The following KDM7A variants were observed in gnomAD, a reference collection of about 807,000 sequenced individuals.
KDM7A encodes the protein lysine demethylase 7A.
Under a neutral mutation model 114.8 loss-of-function variants are expected in KDM7A, and 28 were observed. The observed-to-expected ratio is 0.24, with a 90% confidence interval of 0.18 to 0.33. The LOEUF (loss-of-function observed/expected upper bound fraction) is 0.33. Ranked by LOEUF, KDM7A falls within the 10% of genes least tolerant of loss-of-function variation. KDM7A has a pLI of 1.00. For missense variants in KDM7A, 942 were observed against 1,142.5 expected, an observed-to-expected ratio of 0.82 and a Z score of 2.53; for synonymous variants, 423 against 397.8, an observed-to-expected ratio of 1.06 and a Z score of -0.75.
chr7:140,134,256 C>T (rs916641756), intron 2 of KDM7A, among the ~76,000 whole-genome samples: 2 of 152,220 alleles, frequency 1.3e-5, no homozygotes, highest in Non-Finnish European at 2.9e-5. Context: ...CTCTGGAAGG[C>T]TATGACCTTG....
chr7:140,134,805 T>A (rs745670859), intron 2 of KDM7A, among the ~76,000 whole-genome samples: 3 of 152,148 alleles, frequency 2.0e-5, no homozygotes, highest in Non-Finnish European at 4.4e-5. Context: ...GTTTGAACAT[T>A]TTCACAATAT....
chr7:140,176,364 G>A lies in KDM7A; in HGVS notation c.194+380C>T, dbSNP rs1255219339. 1.4e-5 allele frequency among the ~76,000 whole-genome samples: 2 copies of A among 144,734 alleles called. No individual in the cohort carries two copies. Among genetic ancestry groups the A allele is most frequent in the Non-Finnish European group, 3.1e-5 (2 of 65,278 alleles). 95.0% of individuals were successfully genotyped at this position (144,734 alleles called of 152,430 possible). On this transcript the variant is annotated intron_variant, in intron 1 of 19. Coordinates refer to ENST00000397560, the MANE Select transcript of KDM7A (RefSeq NM_030647.2). The surrounding 1 kb of genome is among the most constrained non-coding windows in gnomAD (Gnocchi z 4.4). ...AGCCCCGGGCGCGGCGGGGCGGGGCGGGGCGGCGGCGGCCCGGGCTGGCGA... is the reference window on the plus strand; with the variant it reads ...AGCCCCGGGCGCGGCGGGGCGGGGCAGGGCGGCGGCGGCCCGGGCTGGCGA...
intron 1 of KDM7A, among the ~76,000 whole-genome samples, chr7:140,145,069 T>G (rs1224249768): frequency 6.6e-6 from 1 of 152,160 alleles, no homozygotes; most frequent in Non-Finnish European, 1.5e-5. Context: ...CAGCCTCAGG[T>G]ATTTCTTTAT....
intron 1 of KDM7A, among the ~76,000 whole-genome samples, chr7:140,160,385 T>G (rs1789697127): frequency 6.6e-6 from 1 of 152,208 alleles, no homozygotes; most frequent in Non-Finnish European, 1.5e-5. Flanking sequence ...ATCAGGGTCT[T>G]TCTTTGTTCT....
chr7:140,116,000 T>C (rs899747156), intron 9 of KDM7A, among the ~76,000 whole-genome samples: 2 of 152,008 alleles, frequency 1.3e-5, no homozygotes, highest in Admixed American at 6.6e-5. Flanking sequence ...ATCCATGAGA[T>C]TTGCAAAAAT....
chr7:140,111,406 T>C lies in KDM7A; in HGVS notation c.1339-222A>G, dbSNP rs1239204127. Among the ~76,000 whole-genome samples the C allele has an allele frequency of 2.0e-5, 3 of 152,208 alleles. No homozygotes were observed. The East Asian group carries it at 5.8e-4, about 29-fold the overall frequency. On this transcript the variant is annotated intron_variant, in intron 10 of 19. Coordinates refer to ENST00000397560, the MANE Select transcript of KDM7A (RefSeq NM_030647.2). ...AGACTGTGTTAAAAACAGACTAGTCTCACAGTGAATTTTGCTTTACATTGA... is the reference window on the plus strand; with the variant it reads ...AGACTGTGTTAAAAACAGACTAGTCCCACAGTGAATTTTGCTTTACATTGA...
rs1383898751 is a variant in KDM7A at position 140,085,102 on chromosome 7, C to T, written c.*5992G>A. ...GAAATGCTCTTCAAGCTTCAGCACC[C>T]CACCTCCCAGCCACACCCCACGCCA... is the stretch of plus-strand genomic sequence containing the variant. On this transcript the variant is annotated 3_prime_UTR_variant, in exon 20 of 20. Coordinates refer to ENST00000397560, the MANE Select transcript of KDM7A (RefSeq NM_030647.2). 1 of 152,330 alleles carries T rather than the reference C, an allele frequency of 6.6e-6. No homozygotes were observed. The highest frequency in any genetic ancestry group is 1.5e-5 in the Non-Finnish European group (1 of 68,060). 9.4% of individuals were successfully genotyped at this position (152,330 alleles called of 1,614,324 possible).
chr7:140,162,762 T>C (rs1317261351), intron 1 of KDM7A, among the ~76,000 whole-genome samples: 1 of 152,054 alleles, frequency 6.6e-6, no homozygotes, highest in Non-Finnish European at 1.5e-5. Context: ...AGAATAAAGA[T>C]AAACATACAC....
chr7:140,125,136 C>T (rs1162668002), intron 6 of KDM7A, among the ~76,000 whole-genome samples: 1 of 152,114 alleles, frequency 6.6e-6, no homozygotes, highest in Non-Finnish European at 1.5e-5. Flanking sequence ...CAAGCTTTGC[C>T]CTTTCTACTA....
chr7:140,096,145 G>A (rs1686735799), intron 17 of KDM7A, among the ~76,000 whole-genome samples: 1 of 152,068 alleles, frequency 6.6e-6, no homozygotes, highest in African/African-American at 2.4e-5. Context: ...TTTTCAAGTA[G>A]GAGAAGGAAT....
chr7:140,160,804 G>A (rs1368935128), intron 1 of KDM7A, among the ~76,000 whole-genome samples: 2 of 152,176 alleles, frequency 1.3e-5, no homozygotes, highest in Non-Finnish European at 2.9e-5. Flanking sequence ...GCAAAGATAA[G>A]AAGAGAAAAA....
At chr7:140,172,578 A>G (rs967328933) in intron 1 of KDM7A, among the ~76,000 whole-genome samples, 2 of 152,094 alleles carry the variant, frequency 1.3e-5, no homozygotes, top group Admixed American at 6.6e-5. Flanking sequence ...GCGAGAACCC[A>G]GGAGGCGGAG....
At chr7:140,154,334 G>A (rs1794434508) in intron 1 of KDM7A, among the ~76,000 whole-genome samples, 1 of 148,836 alleles carries the variant, frequency 6.7e-6, no homozygotes, top group Non-Finnish European at 1.5e-5. Context: ...AAAAAAAAAA[G>A]TTTTTAAAAA....
intron 1 of KDM7A, among the ~76,000 whole-genome samples, chr7:140,157,332 T>C (rs188763780): frequency 2.0e-5 from 3 of 152,334 alleles, no homozygotes; most frequent in Admixed American, 6.5e-5. Context: ...TCAGCTACCA[T>C]GAATCTCTTA....
intron 11 of KDM7A, among the ~76,000 whole-genome samples, chr7:140,103,132 CCTT>C (rs1455344500): frequency 6.6e-6 from 1 of 152,016 alleles, no homozygotes; most frequent in Non-Finnish European, 1.5e-5. Flanking sequence ...TCCCATTCTC[CCTT>C]CCCGCCAACC....
chr7:140,173,330 A>C (rs1003625685), intron 1 of KDM7A, among the ~76,000 whole-genome samples: 7 of 152,108 alleles, frequency 4.6e-5, no homozygotes, highest in South Asian at 2.1e-4. Context: ...AGGGAGATGG[A>C]CAGATGGGAA....
chr7:140,171,987 T>G (rs959012029), intron 1 of KDM7A, among the ~76,000 whole-genome samples: 1 of 152,208 alleles, frequency 6.6e-6, no homozygotes, highest in Non-Finnish European at 1.5e-5. Context: ...GGCTTGGGTA[T>G]GTCTTTTGGT....
chr7:140,174,399 C>G (rs1030655146), intron 1 of KDM7A, among the ~76,000 whole-genome samples: 1 of 152,082 alleles, frequency 6.6e-6, no homozygotes. Flanking sequence ...TTGTTTTGGC[C>G]TTGCTCTCCC....
At chr7:140,124,483 A>G (rs1484926406) in intron 7 of KDM7A, 138 bp downstream of exon 7, 6 of 593,508 alleles carry the variant, frequency 1.0e-5, no homozygotes, top group Non-Finnish European at 1.7e-5. Context: ...AAAACATAAA[A>G]GTCCAAGATC....
Sources: gnomAD v4.1 joint callset for allele counts (sites outside exome capture counted in the v4.1 genomes callset) on GRCh38, gnomAD v4.1.1 for gene constraint, Gnocchi (gnomAD v3.1) non-coding constraint, MANE v1.5 for transcripts, NCBI Gene and HGNC (gene_info 2026-07-23, HGNC 2026-07-21) for gene names.